Variants in DCC observed in about 807,000 individuals in gnomAD.
DCC encodes DCC netrin 1 receptor.
DCC carries 58 observed loss-of-function variants against 172.5 expected under a neutral mutation model. That is an observed-to-expected ratio of 0.34 (90% confidence interval 0.27 to 0.42). The LOEUF (loss-of-function observed/expected upper bound fraction) is 0.42, where lower values mean the gene tolerates loss of function less well. Among genes scored for constraint, DCC ranks in the 10% least tolerant of loss-of-function variants. DCC has a pLI of 1.00. For synonymous variants in DCC, 709 were observed against 644.5 expected (o/e 1.10, Z -1.52); for missense variants, 1,740 against 1,791.0 (o/e 0.97, Z 0.51).
chr18:52,431,650 C>T (rs1040069795), intron 1 of DCC, among the ~76,000 whole-genome samples: 2 of 152,160 alleles, frequency 1.3e-5, no homozygotes, highest in African/African-American at 4.8e-5. Flanking sequence ...ATGAAATGCT[C>T]AGTGAACACC....
chr18:52,360,716 C>T (rs1389196279), intron 1 of DCC, among the ~76,000 whole-genome samples: 2 of 152,280 alleles, frequency 1.3e-5, no homozygotes, highest in East Asian at 3.9e-4. Flanking sequence ...TGAAAAGAGC[C>T]ATTTCAGCAA....
chr18:53,255,061 G>C (rs372465060), intron 12 of DCC, among the ~76,000 whole-genome samples: 2 of 151,866 alleles, frequency 1.3e-5, no homozygotes, highest in African/African-American at 2.4e-5. Flanking sequence ...TTATGTCCAC[G>C]TCTGAAAGTG....
chr18:53,403,240 A>C (rs1184089204), intron 19 of DCC, among the ~76,000 whole-genome samples: 2 of 152,176 alleles, frequency 1.3e-5, no homozygotes, highest in African/African-American at 4.8e-5. Flanking sequence ...ATGTCTATAA[A>C]GAAGCTGGTT....
rs113483202 is a variant in DCC at position 53,098,732 on chromosome 18, G to A, written c.1261+32566G>A. Among the ~76,000 whole-genome samples, 1,433 of 152,198 alleles carry A rather than the reference G, an allele frequency of 9.4e-3. 30 individuals carry two copies. Among genetic ancestry groups the A allele is most frequent in the African/African-American group, 0.032 (1,333 of 41,520 alleles). ...CCTTTATAATTTGTTTTCTGGCTGG[G>A]AACAGTGCTCACACATGTAATCCAA... On this transcript the variant is annotated intron_variant, in intron 7 of 28. Coordinates refer to ENST00000442544, the MANE Select transcript of DCC (RefSeq NM_005215.4).
chr18:53,351,465 T>TATATATATATATATATACACA (rs1568075523), intron 15 of DCC, among the ~76,000 whole-genome samples: 35 of 17,436 alleles, frequency 2.0e-3, no homozygotes, highest in Non-Finnish European at 3.6e-3. Context: ...ATACACAGTG[T>TATATATATATATATATACACA]GTATATATAT....
intron 27 of DCC, among the ~76,000 whole-genome samples, chr18:53,510,997 T>A (rs745636202): frequency 6.6e-6 from 1 of 152,248 alleles, no homozygotes; most frequent in Non-Finnish European, 1.5e-5. Flanking sequence ...GCCTTACTTA[T>A]CAGCTGAGTG....
intron 1 of DCC, among the ~76,000 whole-genome samples, chr18:52,601,460 A>T (rs2034016813): frequency 6.6e-6 from 1 of 152,080 alleles, no homozygotes; most frequent in African/African-American, 2.4e-5. Context: ...CAATAATATA[A>T]GCTTATTCAG....
intron 26 of DCC, among the ~76,000 whole-genome samples, chr18:53,497,475 A>G (rs923569123): frequency 6.6e-6 from 1 of 152,198 alleles, no homozygotes; most frequent in Non-Finnish European, 1.5e-5. Context: ...AGAGGACTTG[A>G]TGTCATCTCT....
intron 1 of DCC, among the ~76,000 whole-genome samples, chr18:52,590,371 A>G (rs960229634): frequency 2.0e-5 from 3 of 152,190 alleles, no homozygotes; most frequent in Admixed American, 1.3e-4. Flanking sequence ...GTTTTTGGCT[A>G]CTGAATATAC....
chr18:52,405,834 A>G (rs916975557), intron 1 of DCC, among the ~76,000 whole-genome samples: 2 of 151,408 alleles, frequency 1.3e-5, no homozygotes, highest in South Asian at 2.1e-4. Flanking sequence ...TAAAGTTCAT[A>G]TGGAACCAAA....
intron 13 of DCC, among the ~76,000 whole-genome samples, chr18:53,312,346 AAAAAAAAAAAAAAAAAAG>A (rs1183342226): frequency 2.4e-5 from 3 of 124,314 alleles, no homozygotes; most frequent in Non-Finnish European, 4.9e-5. Context: ...GTCTCAAAAA[AAAAAAAAAAAAAAAAAAG>A]AAAAAGAAAA....
chr18:53,387,660 A>G (rs1908254941), intron 16 of DCC, among the ~76,000 whole-genome samples: 1 of 152,222 alleles, frequency 6.6e-6, no homozygotes, highest in Non-Finnish European at 1.5e-5. Flanking sequence ...TCTGCTAGCA[A>G]CAAGATTCTT....
chr18:53,483,938 G>A (rs2045868208), intron 25 of DCC, among the ~76,000 whole-genome samples: 1 of 151,116 alleles, frequency 6.6e-6, no homozygotes, highest in African/African-American at 2.4e-5. Flanking sequence ...TAAACACTGT[G>A]AAACCTTTGC....
intron 1 of DCC, among the ~76,000 whole-genome samples, chr18:52,618,854 G>C (rs1365270762): frequency 6.6e-6 from 1 of 152,116 alleles, no homozygotes; most frequent in African/African-American, 2.4e-5. Flanking sequence ...ATCAACTGCT[G>C]TCAAGACAAG....
At chr18:53,112,980 C>A (rs927608521) in intron 7 of DCC, among the ~76,000 whole-genome samples, 1 of 151,432 alleles carries the variant, frequency 6.6e-6, no homozygotes, top group Admixed American at 6.6e-5. Context: ...ATCCTCTTTC[C>A]TTTGGATTCT....
At chr18:52,403,906 G>A (rs1181431311) in intron 1 of DCC, among the ~76,000 whole-genome samples, 1 of 151,986 alleles carries the variant, frequency 6.6e-6, no homozygotes, top group Non-Finnish European at 1.5e-5. Flanking sequence ...ATAATGATTT[G>A]GAATTCTCTG....
At chr18:52,830,917 A>C (rs2038602109) in intron 2 of DCC, among the ~76,000 whole-genome samples, 1 of 152,162 alleles carries the variant, frequency 6.6e-6, no homozygotes, top group Non-Finnish European at 1.5e-5. Flanking sequence ...GAAGACAAAA[A>C]TAATGGCTGC....
At chr18:53,208,566 A>T (rs146381480) in intron 11 of DCC, among the ~76,000 whole-genome samples, 1,565 of 152,276 alleles carry the variant, frequency 0.01, 13 homozygotes, top group Non-Finnish European at 0.016. Context: ...AATTAGGCCA[A>T]ATAAGCTGAT....
At chr18:52,392,524 A>G (rs957065313) in intron 1 of DCC, among the ~76,000 whole-genome samples, 3 of 152,136 alleles carry the variant, frequency 2.0e-5, no homozygotes, top group African/African-American at 4.8e-5. Context: ...TTTATGTACA[A>G]TGCAAGTTGA....
Sources: allele counts gnomAD v4.1 joint callset (sites outside exome capture counted in the v4.1 genomes callset), GRCh38; gene constraint gnomAD v4.1.1; transcripts MANE v1.5; gene names NCBI Gene and HGNC (gene_info 2026-07-23, HGNC 2026-07-21).